PAXBP1: variants seen among roughly 807,000 people sequenced by gnomAD.
PAXBP1 encodes PAX3- and PAX7-binding protein 1.
PAXBP1 carries 44 observed loss-of-function variants against 119.9 expected under a neutral mutation model. The observed-to-expected ratio is 0.37, with a 90% CI of 0.29 to 0.47. The LOEUF (loss-of-function observed/expected upper bound fraction) is 0.47. Ranked by LOEUF, PAXBP1 falls within the 20% of genes least tolerant of loss-of-function variation. PAXBP1 has a pLI of 0.99. For missense variants in PAXBP1, 898 were observed against 1,134.1 expected, an observed-to-expected ratio of 0.79 and a Z score of 2.99; for synonymous variants, 393 against 406.6, an observed-to-expected ratio of 0.97 and a Z score of 0.40.
chr21:32,738,263 C>G lies in PAXBP1; in HGVS notation c.2391G>C (p.Glu797Asp). 1.2e-6 allele frequency: 2 copies of G among 1,602,306 alleles called. No individual in the cohort carries two copies. The highest frequency in any genetic ancestry group is 1.3e-5 in the African/African-American group (1 of 74,304). ...GATTTAATAAACCATCTATTGATAA[C>G]TCTTGCAGAGTTTTATTTGAGAAAA... ...YGIFSNKTLQ[E>D]LSIDGLLNRY... The change falls in exon 16 of 18, where the codon GAG becomes GAC. Residue 797 changes from glutamate to aspartate, a missense_variant. Around this residue, in one of 2 missense-constraint regions of PAXBP1, gnomAD observed 599 missense variants for 852.7 expected, o/e 0.70. Coordinates refer to ENST00000331923, the MANE Select transcript of PAXBP1 (RefSeq NM_016631.4).
chr21:32,744,073 C>T (rs1689500020), intron 13 of PAXBP1, among the ~76,000 whole-genome samples: 1 of 152,084 alleles, frequency 6.6e-6, no homozygotes, highest in African/African-American at 2.4e-5. Flanking sequence ...ATTTAAACAG[C>T]TTCTATGAAT....
chr21:32,756,663 ATT>A (rs112009392), intron 7 of PAXBP1: 67 of 227,558 alleles, frequency 2.9e-4, no homozygotes, highest in Middle Eastern at 1.6e-3. Context: ...CCATGCCCTC[ATT>A]TTTTTTTTTA....
chr21:32,745,534 A>T (rs372320576), intron 12 of PAXBP1, 40 bp downstream of exon 12: 1 of 1,606,310 alleles, frequency 6.2e-7, no homozygotes, highest in Non-Finnish European at 8.5e-7. Context: ...TGAGAAAGCC[A>T]GTGTGTCTGA....
At chr21:32,744,274 A>G (rs2043836984) in intron 13 of PAXBP1, among the ~76,000 whole-genome samples, 1 of 151,398 alleles carries the variant, frequency 6.6e-6, no homozygotes, top group Non-Finnish European at 1.5e-5. Context: ...AAAAAAAAAA[A>G]AAGAAAAAAA....
At position 32,771,555 on chromosome 21, in the gene PAXBP1, C is replaced by G. The variant is rs543741161; in HGVS notation, c.114G>C (p.Thr38=). The G allele has an allele frequency of 3.5e-5, 50 of 1,415,318 alleles. 2 individuals carry two copies. In the South Asian group the frequency reaches 7.2e-4, roughly 20 times the overall value. The allele number at this position is 1,415,318 out of a possible 1,614,324, so 87.7% of individuals were successfully genotyped here. The change falls in exon 1 of 18, where the codon ACG becomes ACC. Residue 38 remains threonine (T), a synonymous_variant. Transcript: ENST00000331923. Reference sequence around the variant, plus strand: ...CGCCACCGGGGCCCGCCTCTTCGCCCGTGCCCGGCGGCGGCAACAACGGCG... The same window carrying G: ...CGCCACCGGGGCCCGCCTCTTCGCCGGTGCCCGGCGGCGGCAACAACGGCG... The part of the protein sequence containing the change: ...EPPPLLPPPG[T]GEEAGPGGGD...
At position 32,753,435 on chromosome 21, in the gene PAXBP1, A is replaced by C. The variant is rs527322927; in HGVS notation, c.1507+1795T>G. On this transcript the variant is annotated intron_variant, in intron 8 of 17. Coordinates refer to ENST00000331923, the MANE Select transcript of PAXBP1 (RefSeq NM_016631.4). ...AGCGAGACTCCGTCTCAAAAAAAAA[A>C]AAAAAAAAAAAACATTATACTTAAA... 2.0e-4 allele frequency among the ~76,000 whole-genome samples: 30 copies of C among 151,888 alleles called. No homozygotes were observed. The South Asian group carries it at 6.0e-3, about 30-fold the overall frequency.
In PAXBP1 at chr21:32,734,889, T is replaced by C; in HGVS notation, c.*61A>G. The C allele has an allele frequency of 8.2e-7, 1 of 1,217,790 alleles. No individual in the cohort carries two copies. The allele number at this position is 1,217,790 out of a possible 1,614,324, so 75.4% of individuals were successfully genotyped here. On this transcript the variant is annotated 3_prime_UTR_variant, in exon 18 of 18. Coordinates refer to ENST00000331923, the MANE Select transcript of PAXBP1 (RefSeq NM_016631.4). Reference sequence around the variant, plus strand: ...TTTACAGTTTAAGAAACTTTACATATATACAAAATTTACACATTGGGAATG... The same window carrying C: ...TTTACAGTTTAAGAAACTTTACATACATACAAAATTTACACATTGGGAATG...
chr21:32,763,484 A>G (rs1016552259), intron 3 of PAXBP1, among the ~76,000 whole-genome samples: 3 of 152,212 alleles, frequency 2.0e-5, no homozygotes, highest in Non-Finnish European at 4.4e-5. Flanking sequence ...GACTGCCACT[A>G]GTGATGTATG....
At chr21:32,738,152 T>C (rs773035785) in intron 16 of PAXBP1, 21 bp downstream of exon 16, 1 of 1,526,730 alleles carries the variant, frequency 6.5e-7, no homozygotes, top group African/African-American at 1.4e-5. Context: ...CTTTAAAAAC[T>C]GTACTATGCA....
In PAXBP1 at chr21:32,745,564, G is replaced by C. The variant is rs376098116; in HGVS notation, c.2068+10C>G. On this transcript the variant is annotated intron_variant, in intron 12 of 17. Coordinates refer to ENST00000331923, the MANE Select transcript of PAXBP1 (RefSeq NM_016631.4). ...GTCTGAATGCTCAATTCAGAGAACA[G>C]GAGATTTACCTGTTAGTTTAGGAAG... is the stretch of plus-strand genomic sequence containing the variant. 8.7e-6 allele frequency: 14 copies of C among 1,613,782 alleles called. No homozygotes were observed. The African/African-American group carries it at 1.7e-4, about 20-fold the overall frequency.
chr21:32,755,916 A>AT (rs2044035987), intron 7 of PAXBP1: 1 of 178,310 alleles, frequency 5.6e-6, no homozygotes, highest in Admixed American at 5.7e-5. Context: ...TTTATTACAG[A>AT]TTTTTTAATG....
At chr21:32,751,556 T>C (rs2146490807) in intron 8 of PAXBP1, 1 of 177,608 alleles carries the variant, frequency 5.6e-6, no homozygotes, top group Admixed American at 5.6e-5. Flanking sequence ...AAACTCTAAA[T>C]TACCTGTGCA....
At chr21:32,735,692 C>T (rs2043683138) in intron 17 of PAXBP1, among the ~76,000 whole-genome samples, 1 of 152,168 alleles carries the variant, frequency 6.6e-6, no homozygotes. Context: ...TTCAAGAGGC[C>T]CAGAGTGGGG....
At chr21:32,747,765 G>C (rs964855178) in intron 11 of PAXBP1, among the ~76,000 whole-genome samples, 1 of 151,614 alleles carries the variant, frequency 6.6e-6, no homozygotes, top group East Asian at 1.9e-4. Flanking sequence ...CAGGCCAATA[G>C]GTCCTCTTGA....
intron 3 of PAXBP1, among the ~76,000 whole-genome samples, chr21:32,763,386 T>A (rs1476451975): frequency 6.6e-6 from 1 of 152,232 alleles, no homozygotes; most frequent in African/African-American, 2.4e-5. Context: ...AATCTCTAGA[T>A]ATGAAATTAC....
intron 10 of PAXBP1, among the ~76,000 whole-genome samples, chr21:32,749,398 T>C (rs2146486435): frequency 6.6e-6 from 1 of 152,186 alleles, no homozygotes; most frequent in Middle Eastern, 3.4e-3. Context: ...TTTCATCATG[T>C]GAGCCAGGCT....
chr21:32,737,257 G>T lies in PAXBP1; in HGVS notation c.2633C>A (p.Ala878Glu). 3.3e-6 allele frequency: 5 copies of T among 1,516,572 alleles called. No individual in the cohort carries two copies. Among genetic ancestry groups the T allele is most frequent in the Non-Finnish European group, 4.4e-6 (5 of 1,128,340 alleles). The allele number at this position is 1,516,572 out of a possible 1,614,324, so 93.9% of individuals were successfully genotyped here. Residue 878 changes from alanine to glutamate, a missense_variant, in exon 17 of 18, where the codon GCA (alanine) becomes GAA (glutamate). Coordinates refer to ENST00000331923, the MANE Select transcript of PAXBP1 (RefSeq NM_016631.4). ...ATTTCATTAATTACAAAATTACCTTGCATTTCTTTTTTCCACATCAGAACA... is the reference window on the plus strand; with the variant it reads ...ATTTCATTAATTACAAAATTACCTTTCATTTCTTTTTTCCACATCAGAACA... ...IGCSDVEKRN[A>E]RENIKQIVKL...
chr21:32,766,971 T>C (rs998784129), intron 2 of PAXBP1, among the ~76,000 whole-genome samples: 12 of 152,216 alleles, frequency 7.9e-5, no homozygotes, highest in African/African-American at 2.9e-4. Flanking sequence ...GATTCTTTTA[T>C]CTCTTTGGTA....
At chr21:32,740,688 CAA>C (rs1169493853) in intron 15 of PAXBP1, among the ~76,000 whole-genome samples, 1 of 151,864 alleles carries the variant, frequency 6.6e-6, no homozygotes, top group African/African-American at 2.4e-5. Flanking sequence ...TCATATTAGG[CAA>C]AGATTTCTTA....
Sources: gnomAD v4.1 joint callset for allele counts (sites outside exome capture counted in the v4.1 genomes callset) on GRCh38, gnomAD v4.1.1 for gene constraint, gnomAD v4.1.1 regional missense constraint, MANE v1.5 for transcripts, NCBI Gene and HGNC (gene_info 2026-07-23, HGNC 2026-07-21) for gene names.